Variants in RALGAPB observed in about 807,000 individuals in gnomAD.
RALGAPB encodes the protein Ral GTPase activating protein non-catalytic subunit beta.
RALGAPB carries 25 observed loss-of-function variants against 161.1 expected under a neutral mutation model. The ratio of observed to expected loss-of-function variants is 0.16; its 90% CI spans 0.11 to 0.22. RALGAPB has a LOEUF of 0.22. Ranked by LOEUF, RALGAPB falls within the 10% of genes least tolerant of loss-of-function variation. The probability of loss-of-function intolerance (pLI) is 1.00; values close to 1 mark genes in which losing one functional copy is unlikely to be tolerated. For synonymous variants in RALGAPB, 629 were observed against 626.1 expected, an observed-to-expected ratio of 1.00 and a Z score of -0.07; for missense variants, 1,391 against 1,815.2, an observed-to-expected ratio of 0.77 and a Z score of 4.25.
At chr20:38,553,536 C>A (rs1486502699) in intron 21 of RALGAPB, among the ~76,000 whole-genome samples, 1 of 152,004 alleles carries the variant, frequency 6.6e-6, no homozygotes, top group Non-Finnish European at 1.5e-5. Flanking sequence ...TTTGTTTTAA[C>A]CTTGGACCAT....
chr20:38,559,793 T>C (rs532853099), intron 23 of RALGAPB, among the ~76,000 whole-genome samples: 1 of 152,068 alleles, frequency 6.6e-6, no homozygotes, highest in Non-Finnish European at 1.5e-5. Flanking sequence ...TAGGTGAGAA[T>C]GGAAAACTGA....
chr20:38,489,670 T>C (rs1426089475), intron 2 of RALGAPB, among the ~76,000 whole-genome samples: 1 of 152,194 alleles, frequency 6.6e-6, no homozygotes, highest in African/African-American at 2.4e-5. Flanking sequence ...ACCCTTTTTT[T>C]CTGTTTGCTT....
chr20:38,490,243 C>G (rs1221144264), intron 2 of RALGAPB, among the ~76,000 whole-genome samples: 1 of 151,986 alleles, frequency 6.6e-6, no homozygotes, highest in Non-Finnish European at 1.5e-5. Context: ...GAGTCTCGCT[C>G]TGTTGCCCAG....
In RALGAPB at chr20:38,575,308, A is replaced by G. The variant is rs1601104075; in HGVS notation, c.*341A>G. The G allele has an allele frequency of 5.2e-6, 1 of 192,676 alleles. No individual in the cohort carries two copies. Among genetic ancestry groups the G allele is most frequent in the East Asian group, 1.4e-4 (1 of 7,288 alleles). The allele number at this position is 192,676 out of a possible 1,614,324, so 11.9% of individuals were successfully genotyped here. On this transcript the variant is annotated 3_prime_UTR_variant, in exon 30 of 30. Transcript: ENST00000262879. ...AACACGTGCATTGGTAGTATCAACA[A>G]ATTTGCAATATAGAAGTTGAAGATA...
At position 38,521,501 on chromosome 20, in the gene RALGAPB, T is replaced by C. The variant is rs1275069150; in HGVS notation, c.1422T>C (p.Ile474=). ...GINRDSSMTA[I]TTQASMEFRR... is the part of the protein sequence containing the mutation. ...ACCCTCCTTTTCTCTCCCCAGCCAT[T>C]ACAACACAAGCTAGCATGGAGTTTC... Residue 474 remains isoleucine (I), a synonymous_variant, in exon 10 of 30, where the codon ATT becomes ATC. Coordinates refer to ENST00000262879, the MANE Select transcript of RALGAPB (RefSeq NM_020336.4). The C allele has an allele frequency of 6.2e-7, 1 of 1,614,008 alleles. No homozygotes were observed. Among genetic ancestry groups the C allele is most frequent in the African/African-American group, 1.3e-5 (1 of 74,926 alleles).
intron 19 of RALGAPB, 150 bp from the exon 20 acceptor site, chr20:38,548,539 G>A (rs990153841): frequency 3.2e-6 from 2 of 631,468 alleles, no homozygotes; most frequent in Non-Finnish European, 5.5e-6. Flanking sequence ...GTATGGGTAC[G>A]GCAGAAACCA....
chr20:38,487,922 C>T (rs1436874889), intron 1 of RALGAPB, among the ~76,000 whole-genome samples: 1 of 152,016 alleles, frequency 6.6e-6, no homozygotes, highest in Non-Finnish European at 1.5e-5. Flanking sequence ...CAAAATTAGT[C>T]GGGCATGGTG....
intron 3 of RALGAPB, among the ~76,000 whole-genome samples, chr20:38,493,837 A>G (rs1009964081): frequency 6.6e-6 from 1 of 152,248 alleles, no homozygotes; most frequent in African/African-American, 2.4e-5. Context: ...TGTAAACAGC[A>G]TACCATGCAT....
rs146034097 is a variant in RALGAPB at position 38,563,711 on chromosome 20, C to T, written c.3697+1014C>T. On this transcript the variant is annotated intron_variant, in intron 24 of 29. Coordinates refer to ENST00000262879, the MANE Select transcript of RALGAPB (RefSeq NM_020336.4). ...ACTTATGGTTGCAAGTATCAGAAAA[C>T]GTGACCCAAACTGCCTTAGATTTTA... is the stretch of plus-strand genomic sequence containing the variant. Among the ~76,000 whole-genome samples, 342 of 152,258 alleles carry T rather than the reference C, an allele frequency of 2.2e-3. 1 individual carries two copies. The highest frequency in any genetic ancestry group is 7.9e-3 in the African/African-American group (330 of 41,538).
At chr20:38,539,608 TTACAA>T (rs1452343806) in intron 16 of RALGAPB, among the ~76,000 whole-genome samples, 163 bp from the exon 17 acceptor site, 5 of 152,246 alleles carry the variant, frequency 3.3e-5, no homozygotes, top group Non-Finnish European at 4.4e-5. Context: ...TTGTGGAGTA[TTACAA>T]TACATCTGAA....
intron 5 of RALGAPB, among the ~76,000 whole-genome samples, chr20:38,505,878 A>G (rs1001335670): frequency 3.9e-5 from 6 of 152,196 alleles, no homozygotes; most frequent in African/African-American, 1.4e-4. Flanking sequence ...TAATACCCTT[A>G]TCACACCCAA....
At chr20:38,521,031 C>T (rs1354318720) in intron 9 of RALGAPB, among the ~76,000 whole-genome samples, 1 of 152,154 alleles carries the variant, frequency 6.6e-6, no homozygotes, top group Non-Finnish European at 1.5e-5. Context: ...ACTTTGCCCT[C>T]TCCCTAAAGT....
chr20:38,544,008 GAT>G (rs2087068001), intron 18 of RALGAPB, among the ~76,000 whole-genome samples: 1 of 152,178 alleles, frequency 6.6e-6, no homozygotes, highest in Non-Finnish European at 1.5e-5. Context: ...ATGGAGTGCA[GAT>G]TAGCTGGTTA....
At chr20:38,528,439 A>C (rs1294274593) in intron 13 of RALGAPB, among the ~76,000 whole-genome samples, 1 of 151,508 alleles carries the variant, frequency 6.6e-6, no homozygotes, top group Non-Finnish European at 1.5e-5. Context: ...TGGTGCAATC[A>C]TGGGTCACTG....
chr20:38,565,466 G>A lies in RALGAPB; in HGVS notation c.3805G>A (p.Val1269Met). 3 of 1,613,492 alleles carry A rather than the reference G, an allele frequency of 1.9e-6. No individual in the cohort carries two copies. Among genetic ancestry groups the A allele is most frequent in the Non-Finnish European group, 2.5e-6 (3 of 1,179,606 alleles). Residue 1269 changes from valine to methionine, a missense_variant, in exon 25 of 30, where the codon GTG becomes ATG. This residue lies in a region of RALGAPB where 436 missense variants were observed against 527.0 expected (regional missense o/e 0.83). Coordinates refer to ENST00000262879, the MANE Select transcript of RALGAPB (RefSeq NM_020336.4). ...AATTGCTTTTGTGGTTCCTTCTCCT[G>A]TGGAGTCCTTAAGTAAGATGATTTT... The part of the protein sequence containing the change: ...TEIAFVVPSP[V>M]ESLTDSLESN...
At chr20:38,550,300 A>T (rs1470938608) in intron 20 of RALGAPB, among the ~76,000 whole-genome samples, 2 of 152,230 alleles carry the variant, frequency 1.3e-5, no homozygotes, top group Non-Finnish European at 2.9e-5. Flanking sequence ...ATCATAATAA[A>T]AAAATGTGAT....
At chr20:38,491,352 G>A (rs2085274261) in intron 2 of RALGAPB, among the ~76,000 whole-genome samples, 1 of 150,586 alleles carries the variant, frequency 6.6e-6, no homozygotes, top group African/African-American at 2.4e-5. Flanking sequence ...TTTCCCCTAA[G>A]TTAGAATCTT....
At position 38,517,547 on chromosome 20, in the gene RALGAPB, G is replaced by A. The variant is rs2086166432; in HGVS notation, c.1093G>A (p.Val365Met). ...PRSDSAPPTP[V>M]NRLSMPQSAA... is the part of the protein sequence containing the mutation. ...ATCAGACAGTGCTCCCCCAACACCC[G>A]TGAATAGATTAAGTATGCCTCAAAG... is the stretch of plus-strand genomic sequence containing the variant. The change falls in exon 8 of 30, where the codon GTG becomes ATG. Residue 365 changes from valine (V) to methionine (M), a missense_variant. Physicochemically the swap from Val to Met is conservative, Grantham distance 21. Around this residue, in one of 3 missense-constraint regions of RALGAPB, gnomAD observed 946 missense variants for 1,257.2 expected, o/e 0.75. Transcript: ENST00000262879. 10 of 1,612,230 alleles carry A rather than the reference G, an allele frequency of 6.2e-6. No individual in the cohort carries two copies. The highest frequency in any genetic ancestry group is 1.1e-5 in the South Asian group (1 of 90,940).
At chr20:38,542,267 CGTGT>C (rs2086996102) in intron 18 of RALGAPB, among the ~76,000 whole-genome samples, 1 of 152,128 alleles carries the variant, frequency 6.6e-6, no homozygotes, top group South Asian at 2.1e-4. Flanking sequence ...CTTGAAAATT[CGTGT>C]GTAAGTCAGC....
Sources: gnomAD v4.1 joint callset for allele counts (sites outside exome capture counted in the v4.1 genomes callset) on GRCh38, gnomAD v4.1.1 for gene constraint, gnomAD v4.1.1 regional missense constraint, MANE v1.5 for transcripts, NCBI Gene and HGNC (gene_info 2026-07-23, HGNC 2026-07-21) for gene names.